Variants in XRRA1 observed in about 807,000 individuals in gnomAD.
The protein encoded by XRRA1 is X-ray radiation resistance associated 1.
A neutral mutation model predicts 80.2 loss-of-function variants in XRRA1; 69 were observed. The ratio of observed to expected loss-of-function variants is 0.86; its 90% CI spans 0.71 to 1.05. XRRA1 has a LOEUF of 1.05. Among genes scored for constraint, XRRA1 ranks in the 50% least tolerant of loss-of-function variants. The pLI, the probability that XRRA1 is intolerant of heterozygous loss-of-function variation, is 0.00. For synonymous variants in XRRA1, 348 were observed against 389.9 expected, an observed-to-expected ratio of 0.89 and a Z score of 1.27; for missense variants, 967 against 976.4, an observed-to-expected ratio of 0.99 and a Z score of 0.13.
At chr11:74,948,610 C>T (rs1380387533) in intron 1 of XRRA1, among the ~76,000 whole-genome samples, 1 of 152,090 alleles carries the variant, frequency 6.6e-6, no homozygotes, top group Non-Finnish European at 1.5e-5. Context: ...AGTTCAGATA[C>T]ATGCTATCTG....
rs1565204361 is a variant in XRRA1 at position 74,843,462 on chromosome 11, A to G, written c.2150-9T>C. The G allele has an allele frequency of 1.2e-6, 2 of 1,609,320 alleles. No homozygotes were observed. The highest frequency in any genetic ancestry group is 8.5e-7 in the Non-Finnish European group (1 of 1,177,988). On this transcript the variant is annotated splice_polypyrimidine_tract_variant and intron_variant, in intron 18 of 18. Transcript: ENST00000684022. The stretch of plus-strand genomic sequence containing the variant: ...CTGGTGCAGGACAGCACCTGCAGGA[A>G]AAGAAGCCAGGAGAGGCACCAAGCT...
Position 74,844,267 on chromosome 11 carries a change from T to C in XRRA1, c.1944A>G (p.Ala648=), listed in dbSNP as rs549369299. 89 of 1,613,056 alleles carry C rather than the reference T, an allele frequency of 5.5e-5. No individual in the cohort carries two copies. The Middle Eastern group carries it at 5.5e-4, about 10-fold the overall frequency. The change falls in exon 17 of 19, where the codon GCA becomes GCG. Residue 648 remains alanine (A), a synonymous_variant. Transcript: ENST00000684022. ...GCTTCAGCATTTGTTGCAGGGCTTGTGCATTCTTCTGGATTCCTAGGGCAA... is the reference window on the plus strand; with the variant it reads ...GCTTCAGCATTTGTTGCAGGGCTTGCGCATTCTTCTGGATTCCTAGGGCAA... ...FIEPKGIQKN[A]QALQQMLKHP...
At chr11:74,879,866 T>C (rs1359188339) in intron 10 of XRRA1, among the ~76,000 whole-genome samples, 1 of 151,960 alleles carries the variant, frequency 6.6e-6, no homozygotes, top group Admixed American at 6.6e-5. Flanking sequence ...ATTCGTTTTG[T>C]CAGTATTTTA....
rs1376473053 is a variant in XRRA1, at chr11:74,892,449, G to A, written c.1003+13790C>T. Among the ~76,000 whole-genome samples, 12 of 151,962 alleles carry A rather than the reference G, an allele frequency of 7.9e-5. No homozygotes were observed. The South Asian group carries it at 1.9e-3, about 24-fold the overall frequency. On this transcript the variant is annotated intron_variant, in intron 10 of 18. Coordinates refer to ENST00000684022, the MANE Select transcript of XRRA1 (RefSeq NM_001378157.1). Reference sequence around the variant, plus strand: ...AAATGTTAGACCTAAAACCATAAAAGCCCTAGAAGAAAACCTAGGCATTAC... The same window carrying A: ...AAATGTTAGACCTAAAACCATAAAAACCCTAGAAGAAAACCTAGGCATTAC...
chr11:74,949,077 G>A lies in XRRA1; in HGVS notation c.-222C>T, dbSNP rs1002482464. On this transcript the variant is annotated 5_prime_UTR_variant, in exon 1 of 19. Coordinates refer to ENST00000684022, the MANE Select transcript of XRRA1 (RefSeq NM_001378157.1). ...TTCCCCACGCCTTAGTAACTGCGACGCGACGGCAGACAGTGTAGGCGGCAA... is the reference window on the plus strand; with the variant it reads ...TTCCCCACGCCTTAGTAACTGCGACACGACGGCAGACAGTGTAGGCGGCAA... 1.3e-5 allele frequency: 6 copies of A among 473,790 alleles called. No individual in the cohort carries two copies. The highest frequency in any genetic ancestry group is 8.0e-5 in the African/African-American group (4 of 49,716). The allele number at this position is 473,790 out of a possible 1,614,324, so 29.3% of individuals were successfully genotyped here. A position where few individuals can be genotyped will look rare whatever the true frequency, so the allele number is the denominator to read the frequency against.
At chr11:74,867,917 C>CTT (rs60520990) in intron 10 of XRRA1, among the ~76,000 whole-genome samples, 11,599 of 106,484 alleles carry the variant, frequency 0.11, 1,287 homozygotes, top group African/African-American at 0.23. Context: ...TATAGTCAAT[C>CTT]TTTTTTTTTT....
At chr11:74,935,892 A>G (rs1166966745) in intron 4 of XRRA1, among the ~76,000 whole-genome samples, 1 of 152,206 alleles carries the variant, frequency 6.6e-6, no homozygotes, top group East Asian at 1.9e-4. Flanking sequence ...GGGAAGAAAA[A>G]AAGGCCACTA....
intron 17 of XRRA1, 53 bp from the exon 18 acceptor site, chr11:74,844,012 C>G: frequency 6.5e-7 from 1 of 1,540,338 alleles, no homozygotes; most frequent in East Asian, 2.3e-5. Context: ...CACAGACTTC[C>G]CTGGCCTAAC....
intron 7 of XRRA1, among the ~76,000 whole-genome samples, chr11:74,926,143 T>C (rs1942181109): frequency 1.3e-5 from 2 of 152,220 alleles, no homozygotes; most frequent in South Asian, 4.1e-4. Context: ...AGAAAATTAC[T>C]GTTATCTTCA....
intron 10 of XRRA1, among the ~76,000 whole-genome samples, chr11:74,896,030 G>A (rs2137591218): frequency 6.6e-6 from 1 of 152,364 alleles, no homozygotes; most frequent in Admixed American, 6.5e-5. Context: ...AATACTGAGG[G>A]AGTACACTAT....
At chr11:74,945,363 C>T (rs914914576) in intron 1 of XRRA1, among the ~76,000 whole-genome samples, 10 of 152,052 alleles carry the variant, frequency 6.6e-5, no homozygotes, top group African/African-American at 1.7e-4. Context: ...CCTGAAAGGA[C>T]GGGATCGTTT....
intron 15 of XRRA1, among the ~76,000 whole-genome samples, chr11:74,847,368 T>C (rs1297632934): frequency 6.6e-6 from 1 of 152,068 alleles, no homozygotes; most frequent in Non-Finnish European, 1.5e-5. Context: ...AGTAATAAAG[T>C]TCAAGGGGGC....
intron 7 of XRRA1, among the ~76,000 whole-genome samples, chr11:74,924,811 GAC>G (rs1476641466): frequency 6.6e-6 from 1 of 152,188 alleles, no homozygotes; most frequent in Non-Finnish European, 1.5e-5. Context: ...CTGCCTGGGT[GAC>G]AGAGGGAGAC....
rs780323224 is a variant in XRRA1 at position 74,843,840 on chromosome 11, T to C, written c.2149+14A>G. 1 of 1,597,846 alleles carries C rather than the reference T, an allele frequency of 6.3e-7. No homozygotes were observed. On this transcript the variant is annotated intron_variant, in intron 18 of 18. Transcript: ENST00000684022. ...ACTGGATCTGGGATCCTGGCAGCTG[T>C]GGCAGAGCCGTACCTAGTGGAGCCT...
At position 74,862,967 on chromosome 11, in the gene XRRA1, T is replaced by TA. The variant is rs763014211; in HGVS notation, c.1044+13dup. 6.3e-7 allele frequency: 1 copy of TA among 1,581,596 alleles called. No homozygotes were observed. The highest frequency in any genetic ancestry group is 8.6e-7 in the Non-Finnish European group (1 of 1,161,058). On this transcript the variant is annotated intron_variant, in intron 11 of 18. Coordinates refer to ENST00000684022, the MANE Select transcript of XRRA1 (RefSeq NM_001378157.1). The stretch of plus-strand genomic sequence containing the variant: ...CTAACTCAGGAACACAAATATAAAG[T>TA]AGTCAGTTCCTACCTCTGAGGTTGA...
chr11:74,874,270 A>G (rs1328538196), intron 10 of XRRA1, among the ~76,000 whole-genome samples: 1 of 149,068 alleles, frequency 6.7e-6, no homozygotes, highest in Non-Finnish European at 1.5e-5. Flanking sequence ...AAAGAAAGAA[A>G]CTCAAGTGGC....
chr11:74,841,263 G>A lies in XRRA1; in HGVS notation c.*1937C>T, dbSNP rs931167244. 2 of 152,118 alleles carry A rather than the reference G, an allele frequency of 1.3e-5. No homozygotes were observed. Among genetic ancestry groups the A allele is most frequent in the African/African-American group, 2.4e-5 (1 of 41,422 alleles). 9.4% of individuals were successfully genotyped at this position (152,118 alleles called of 1,614,324 possible). A position where few individuals can be genotyped will look rare whatever the true frequency, so the allele number is the denominator to read the frequency against. On this transcript the variant is annotated 3_prime_UTR_variant, in exon 19 of 19. Transcript: ENST00000684022. The stretch of plus-strand genomic sequence containing the variant: ...TTGAACTGGTATCTAAACATACCTG[G>A]TTATGAATTCTCAAAAGAGAAAGCA...
intron 10 of XRRA1, among the ~76,000 whole-genome samples, chr11:74,887,117 A>G (rs893630762): frequency 1.3e-5 from 2 of 152,230 alleles, no homozygotes; most frequent in Admixed American, 1.3e-4. Flanking sequence ...AAAATTCTGG[A>G]AGATAGATAG....
intron 8 of XRRA1, among the ~76,000 whole-genome samples, chr11:74,910,528 C>T (rs761033398): frequency 3.3e-5 from 5 of 151,856 alleles, no homozygotes; most frequent in Admixed American, 6.6e-5. Context: ...AATGGAGACA[C>T]AAATAGTTCA....
Sources: gnomAD v4.1 joint callset for allele counts (sites outside exome capture counted in the v4.1 genomes callset) on GRCh38, gnomAD v4.1.1 for gene constraint, MANE v1.5 for transcripts, NCBI Gene and HGNC (gene_info 2026-07-23, HGNC 2026-07-21) for gene names.